The following INTS9 variants were observed in gnomAD, a reference collection of about 807,000 sequenced individuals.
The protein encoded by INTS9 is integrator complex subunit 9.
Under a neutral mutation model 79.7 loss-of-function variants are expected in INTS9, and 55 were observed. The observed-to-expected ratio is 0.69, with a 90% CI of 0.56 to 0.86. INTS9 has a LOEUF of 0.86. Among genes scored for constraint, INTS9 ranks in the 40% least tolerant of loss-of-function variants. INTS9 has a pLI of 0.00. For missense variants in INTS9, 721 were observed against 831.5 expected (o/e 0.87, Z 1.64); for synonymous variants, 319 against 325.2 (o/e 0.98, Z 0.20).
At chr8:28,837,530 T>C (rs1229633066) in intron 5 of INTS9, 107 bp downstream of exon 5, 30 of 1,242,274 alleles carry the variant, frequency 2.4e-5, no homozygotes, top group Non-Finnish European at 3.3e-5. Context: ...GGGTTAGTTG[T>C]TCAGAAGGAA....
chr8:28,793,820 T>A lies in INTS9; in HGVS notation c.1024A>T (p.Ile342Phe). Residue 342 changes from isoleucine (I) to phenylalanine (F), a missense_variant, in exon 10 of 17, where the codon ATC becomes TTC. Coordinates refer to ENST00000521022, the MANE Select transcript of INTS9 (RefSeq NM_018250.4). ...VANSSLEFSQ[I>F]FAEWLCHNKQ... The stretch of plus-strand genomic sequence containing the variant: ...CCACGGACATACCACTCAGCAAAGA[T>A]CTGGGAAAACTCCAGTGAACTGTTG... 2 of 1,601,116 alleles carry A rather than the reference T, an allele frequency of 1.2e-6. No homozygotes were observed. Among genetic ancestry groups the A allele is most frequent in the Non-Finnish European group, 1.7e-6 (2 of 1,175,680 alleles).
chr8:28,886,091 A>G (rs79804829), intron 1 of INTS9, among the ~76,000 whole-genome samples: 2,641 of 152,244 alleles, frequency 0.017, 72 homozygotes, highest in African/African-American at 0.06. Context: ...GCAAAGTTAG[A>G]GAATTATAAA....
At chr8:28,843,004 GGA>G (rs1807281246) in intron 4 of INTS9, among the ~76,000 whole-genome samples, 1 of 152,144 alleles carries the variant, frequency 6.6e-6, no homozygotes, top group Non-Finnish European at 1.5e-5. Flanking sequence ...TGACACCTTT[GGA>G]GGTGAACTCA....
At chr8:28,823,451 C>T (rs1342763030) in intron 6 of INTS9, among the ~76,000 whole-genome samples, 1 of 152,208 alleles carries the variant, frequency 6.6e-6, no homozygotes, top group African/African-American at 2.4e-5. Flanking sequence ...AGTCCCCTTC[C>T]CTTGTCACAC....
At chr8:28,795,508 C>T (rs759046267) in intron 9 of INTS9, among the ~76,000 whole-genome samples, 5 of 151,856 alleles carry the variant, frequency 3.3e-5, no homozygotes, top group East Asian at 1.9e-4. Context: ...GGCACAGTGG[C>T]GCACACCTGT....
At chr8:28,774,984 A>AT in intron 14 of INTS9, among the ~76,000 whole-genome samples, 1 of 152,218 alleles carries the variant, frequency 6.6e-6, no homozygotes. Flanking sequence ...TTAGACTTTG[A>AT]TAGACCAAAA....
At chr8:28,820,960 A>C (rs1201670550) in intron 6 of INTS9, among the ~76,000 whole-genome samples, 1 of 152,218 alleles carries the variant, frequency 6.6e-6, no homozygotes, top group Non-Finnish European at 1.5e-5. Context: ...TTCTCCAAAG[A>C]GTACTAGAAA....
intron 2 of INTS9, among the ~76,000 whole-genome samples, chr8:28,855,600 T>C (rs1225154570): frequency 6.6e-6 from 1 of 152,190 alleles, no homozygotes; most frequent in Non-Finnish European, 1.5e-5. Flanking sequence ...ACTGGGAAAG[T>C]CTTCCAGATT....
chr8:28,854,522 G>A (rs1445040534), intron 2 of INTS9, among the ~76,000 whole-genome samples: 1 of 152,130 alleles, frequency 6.6e-6, no homozygotes. Context: ...ACAGGGAAGA[G>A]CCTCATCACA....
intron 1 of INTS9, chr8:28,862,337 T>A: frequency 2.0e-6 from 1 of 498,142 alleles, no homozygotes; most frequent in Non-Finnish European, 2.6e-6. Flanking sequence ...GTATTCACAC[T>A]GCTGTGTGTG....
intron 11 of INTS9, among the ~76,000 whole-genome samples, chr8:28,787,194 C>T (rs1803655070): frequency 6.6e-6 from 1 of 152,152 alleles, no homozygotes; most frequent in African/African-American, 2.4e-5. Context: ...GACAACAAAG[C>T]TAGGTATTCA....
chr8:28,835,431 C>T, intron 5 of INTS9, 53 bp from the exon 6 acceptor site: 1 of 1,306,566 alleles, frequency 7.7e-7, no homozygotes. Context: ...TAGAGAAACA[C>T]CCCATACTCT....
chr8:28,796,785 TA>T (rs752972781), intron 8 of INTS9, 130 bp from the exon 9 acceptor site: 155 of 673,476 alleles, frequency 2.3e-4, no homozygotes, highest in Non-Finnish European at 3.0e-4. Context: ...TTATGTTCTC[TA>T]AGGAATAGTC....
rs764178626 is a variant in INTS9, at chr8:28,857,614, A to T, written c.137+1822T>A. ...ATATAATAATTTAATTAATTAGTTAATTATAATAGTAAAAGGACTCTGAAA... is the reference window on the plus strand; with the variant it reads ...ATATAATAATTTAATTAATTAGTTATTTATAATAGTAAAAGGACTCTGAAA... On this transcript the variant is annotated intron_variant, in intron 2 of 16. Coordinates refer to ENST00000521022, the MANE Select transcript of INTS9 (RefSeq NM_018250.4). Among the ~76,000 whole-genome samples, 37 of 152,380 alleles carry T rather than the reference A, an allele frequency of 2.4e-4. No homozygotes were observed. The Middle Eastern group carries it at 0.01, about 42-fold the overall frequency.
intron 6 of INTS9, among the ~76,000 whole-genome samples, chr8:28,829,884 C>T (rs964657046): frequency 2.0e-5 from 3 of 152,134 alleles, no homozygotes; most frequent in Non-Finnish European, 4.4e-5. Context: ...CATATGGCCA[C>T]GATCGCTGGA....
chr8:28,809,906 C>G (rs1212302560), intron 8 of INTS9, among the ~76,000 whole-genome samples: 1 of 152,174 alleles, frequency 6.6e-6, no homozygotes, highest in Non-Finnish European at 1.5e-5. Context: ...AGAATGGCAG[C>G]TCAGACATCC....
intron 4 of INTS9, among the ~76,000 whole-genome samples, chr8:28,843,746 A>T (rs1405939263): frequency 1.4e-5 from 2 of 145,718 alleles, no homozygotes; most frequent in East Asian, 4.0e-4. Context: ...TTTTTTTTTT[A>T]AACAATGGTC....
At chr8:28,873,596 G>C (rs1018363893) in intron 1 of INTS9, among the ~76,000 whole-genome samples, 2 of 152,152 alleles carry the variant, frequency 1.3e-5, no homozygotes, top group African/African-American at 4.8e-5. Flanking sequence ...AAACAAAGTT[G>C]GTGGAAATGT....
At chr8:28,871,033 G>C (rs1809062705) in intron 1 of INTS9, among the ~76,000 whole-genome samples, 1 of 152,136 alleles carries the variant, frequency 6.6e-6, no homozygotes, top group African/African-American at 2.4e-5. Context: ...TTATTCACAT[G>C]CATTTATGTA....
Sources: gnomAD v4.1 joint callset for allele counts (sites outside exome capture counted in the v4.1 genomes callset) on GRCh38, gnomAD v4.1.1 for gene constraint, MANE v1.5 for transcripts, NCBI Gene and HGNC (gene_info 2026-07-23, HGNC 2026-07-21) for gene names.